The following LGSN variants were observed in gnomAD, a reference collection of about 807,000 sequenced individuals.
The protein encoded by LGSN is lengsin, lens protein with glutamine synthetase domain.
LGSN carries 21 observed loss-of-function variants against 19.5 expected under a neutral mutation model. The ratio of observed to expected loss-of-function variants is 1.07; its 90% CI spans 0.76 to 1.55. The LOEUF is 1.55. LGSN is among the 40% of genes most tolerant of loss of function. LGSN has a pLI of 0.00. For missense variants in LGSN, 673 were observed against 608.5 expected, an observed-to-expected ratio of 1.11 and a Z score of -1.12; for synonymous variants, 257 against 215.6, an observed-to-expected ratio of 1.19 and a Z score of -1.68.
chr6:63,547,362 G>A, the LGSN span, among the ~76,000 whole-genome samples: 1 of 149,224 alleles, frequency 6.7e-6, no homozygotes, highest in Non-Finnish European at 1.5e-5. Flanking sequence ...GCTAATTTTT[G>A]TATTTTTAGT....
chr6:63,550,175 A>G, the LGSN span: 1 of 152,334 alleles, frequency 6.6e-6, no homozygotes, highest in South Asian at 2.1e-4. Context: ...ATCCTCAGTG[A>G]TTGGTTTTTT....
chr6:63,362,216 A>T, the LGSN span, among the ~76,000 whole-genome samples: 7 of 152,348 alleles, frequency 4.6e-5, no homozygotes, highest in South Asian at 1.0e-3. Flanking sequence ...CACAATTAAA[A>T]GTTAATACAG....
rs767106138 is a variant in LGSN at position 63,291,841 on chromosome 6, A to T, written c.163+3072T>A. Among the ~76,000 whole-genome samples, 75 of 152,196 alleles carry T rather than the reference A, an allele frequency of 4.9e-4. 1 individual carries two copies. Among genetic ancestry groups the T allele is most frequent in the Non-Finnish European group, 2.4e-4 (16 of 68,036 alleles). On this transcript the variant is annotated intron_variant, in intron 2 of 3. Transcript: ENST00000370657. ...TGTGAATATGTTAAATTGCATGGCA[A>T]AAGGGACTTTGCAAATGTAATTAAG... is the stretch of plus-strand genomic sequence containing the variant.
chr6:63,418,810 G>C, the LGSN span, among the ~76,000 whole-genome samples: 1 of 152,134 alleles, frequency 6.6e-6, no homozygotes, highest in African/African-American at 2.4e-5. Context: ...GAAAGGGGCA[G>C]CCTAGCAGGG....
rs1009498600 is a variant in LGSN, at chr6:63,279,535, A to T, written c.*486T>A. 1 of 152,732 alleles carries T rather than the reference A, an allele frequency of 6.5e-6. No individual in the cohort carries two copies. The highest frequency in any genetic ancestry group is 2.4e-5 in the African/African-American group (1 of 41,470). 9.5% of individuals were successfully genotyped at this position (152,732 alleles called of 1,614,324 possible). ...TTGTTTAGAAAGACCATAATGGTGC[A>T]TACAACCTGGATTCACAATATTATT... is the stretch of plus-strand genomic sequence containing the variant. On this transcript the variant is annotated 3_prime_UTR_variant, in exon 4 of 4. Transcript: ENST00000370657.
At chr6:63,416,562 G>GT in the LGSN span, among the ~76,000 whole-genome samples, 5 of 152,036 alleles carry the variant, frequency 3.3e-5, no homozygotes, top group African/African-American at 4.8e-5. Context: ...AAAATACATA[G>GT]TTTTTTTGTT....
the LGSN span, among the ~76,000 whole-genome samples, chr6:63,458,031 C>T: frequency 3.9e-4 from 59 of 150,750 alleles, no homozygotes; most frequent in African/African-American, 1.4e-3. Flanking sequence ...AATTCTTTCT[C>T]CAGTGATTAT....
intron 1 of LGSN, among the ~76,000 whole-genome samples, chr6:63,309,260 C>T (rs141847363): frequency 0.018 from 2,696 of 152,148 alleles, 77 homozygotes; most frequent in African/African-American, 0.061. Flanking sequence ...GGTGAAACCC[C>T]GCCTCTAGTA....
chr6:63,513,327 G>T, the LGSN span, among the ~76,000 whole-genome samples: 5 of 152,086 alleles, frequency 3.3e-5, no homozygotes, highest in Non-Finnish European at 7.4e-5. Context: ...GTGCCACACT[G>T]GTCTTCTCAA....
chr6:63,421,006 T>C, the LGSN span, among the ~76,000 whole-genome samples: 1 of 151,894 alleles, frequency 6.6e-6, no homozygotes, highest in African/African-American at 2.4e-5. Context: ...AAAAGCTCAG[T>C]GGATGAACTC....
chr6:63,524,602 T>C, the LGSN span, among the ~76,000 whole-genome samples: 1 of 152,106 alleles, frequency 6.6e-6, no homozygotes. Context: ...AATGTAAAAA[T>C]AAAATTATCC....
chr6:63,467,187 G>T, the LGSN span, among the ~76,000 whole-genome samples: 1 of 151,874 alleles, frequency 6.6e-6, no homozygotes, highest in Non-Finnish European at 1.5e-5. Flanking sequence ...CATTTGAATT[G>T]TTCTTTATTT....
the LGSN span, among the ~76,000 whole-genome samples, chr6:63,348,741 C>CTTT: frequency 9.4e-6 from 1 of 106,696 alleles, no homozygotes; most frequent in Admixed American, 9.4e-5. Context: ...AAGATTTTTA[C>CTTT]TTTTTTTTTT....
chr6:63,370,708 C>A, the LGSN span, among the ~76,000 whole-genome samples: 2 of 152,162 alleles, frequency 1.3e-5, no homozygotes, highest in East Asian at 3.9e-4. Flanking sequence ...GGGGCAGGGC[C>A]AGATGTAAGC....
At chr6:63,559,528 T>C in the LGSN span, among the ~76,000 whole-genome samples, 2 of 151,942 alleles carry the variant, frequency 1.3e-5, no homozygotes, top group African/African-American at 4.8e-5. Context: ...GGGCGGATCA[T>C]GAGGTCAGGA....
chr6:63,390,672 C>T, the LGSN span, among the ~76,000 whole-genome samples: 1 of 150,882 alleles, frequency 6.6e-6, no homozygotes, highest in Non-Finnish European at 1.5e-5. Flanking sequence ...CTGGCTAACA[C>T]GGTGAAACCC....
chr6:63,459,815 G>T, the LGSN span, among the ~76,000 whole-genome samples: 1 of 152,148 alleles, frequency 6.6e-6, no homozygotes, highest in African/African-American at 2.4e-5. Flanking sequence ...TCAGGAGGCT[G>T]AGGAAGGAGA....
chr6:63,415,320 C>A, the LGSN span, among the ~76,000 whole-genome samples: 4 of 151,794 alleles, frequency 2.6e-5, no homozygotes, highest in Admixed American at 2.6e-4. Context: ...GACTCCATTT[C>A]AAAAAATAAA....
At chr6:63,381,456 A>T in the LGSN span, among the ~76,000 whole-genome samples, 1 of 152,184 alleles carries the variant, frequency 6.6e-6, no homozygotes, top group Non-Finnish European at 1.5e-5. Context: ...ACTAAGAAAA[A>T]CTGCCTTCTT....
Sources: gnomAD v4.1 joint callset for allele counts (sites outside exome capture counted in the v4.1 genomes callset) on GRCh38, gnomAD v4.1.1 for gene constraint, MANE v1.5 for transcripts, NCBI Gene and HGNC (gene_info 2026-07-23, HGNC 2026-07-21) for gene names.